Variants in UST observed in about 807,000 individuals in gnomAD.
UST encodes chondroitin sulfate 2-O-sulfotransferase.
In UST, 21 loss-of-function variants were observed where a neutral mutation model predicts 45.6. That is an observed-to-expected ratio of 0.46 (90% CI 0.33 to 0.66). The LOEUF (loss-of-function observed/expected upper bound fraction) is 0.66, where lower values mean the gene tolerates loss of function less well. UST is among the 30% of genes least tolerant of loss of function. The probability of loss-of-function intolerance (pLI) is 0.02; values close to 1 mark genes in which losing one functional copy is unlikely to be tolerated. For synonymous variants in UST, 215 were observed against 200.6 expected (o/e 1.07, Z -0.61); for missense variants, 463 against 512.4 (o/e 0.90, Z 0.93).
chr6:148,870,390 A>G (rs1423434741), intron 1 of UST, among the ~76,000 whole-genome samples: 1 of 152,178 alleles, frequency 6.6e-6, no homozygotes, highest in Non-Finnish European at 1.5e-5. Context: ...ATGTGCCCCA[A>G]TCCCTTTGGC....
intron 1 of UST, among the ~76,000 whole-genome samples, chr6:148,859,145 T>A (rs1778259199): frequency 6.6e-6 from 1 of 152,172 alleles, no homozygotes; most frequent in Admixed American, 6.6e-5. Flanking sequence ...TTTCTCCACA[T>A]CCTCTTCAGC....
chr6:148,756,002 C>T (rs1438975758), intron 1 of UST, among the ~76,000 whole-genome samples: 3 of 127,828 alleles, frequency 2.3e-5, no homozygotes, highest in Non-Finnish European at 4.9e-5. Flanking sequence ...GCTATCCCTC[C>T]CCCCTCCCCC....
intron 5 of UST, among the ~76,000 whole-genome samples, chr6:149,014,377 A>T (rs1485989527): frequency 2.6e-5 from 4 of 152,240 alleles, no homozygotes; most frequent in Non-Finnish European, 5.9e-5. Flanking sequence ...TGTTGGGAGC[A>T]GATCTAGCCT....
intron 1 of UST, among the ~76,000 whole-genome samples, chr6:148,809,074 G>A (rs984452967): frequency 2.6e-5 from 4 of 152,210 alleles, no homozygotes; most frequent in Admixed American, 6.5e-5. Flanking sequence ...CCTTGTACTC[G>A]AGCGAGGCCT....
rs1213290187 is a variant in UST at position 148,748,537 on chromosome 6, G to A, written c.247+860G>A. Among the ~76,000 whole-genome samples, 1 of 151,956 alleles carries A rather than the reference G, an allele frequency of 6.6e-6. No homozygotes were observed. Among genetic ancestry groups the A allele is most frequent in the East Asian group, 1.9e-4 (1 of 5,180 alleles). On this transcript the variant is annotated intron_variant, in intron 1 of 7. Transcript: ENST00000367463. The surrounding 1 kb of genome is among the most constrained non-coding windows in gnomAD (Gnocchi z 5.3). ...GGGAAAGAGCCGCTCCAGCGAGAAG[G>A]CGTGACCCCGCAGCTCCCTCGTCTC...
At chr6:148,785,665 A>G (rs1776721594) in intron 1 of UST, among the ~76,000 whole-genome samples, 1 of 152,240 alleles carries the variant, frequency 6.6e-6, no homozygotes, top group Non-Finnish European at 1.5e-5. Context: ...TATTCTTAAC[A>G]TCAAAGCTTA....
chr6:148,988,669 G>A (rs9498188), intron 5 of UST, among the ~76,000 whole-genome samples: 7,270 of 151,678 alleles, frequency 0.048, 569 homozygotes, highest in African/African-American at 0.17. Flanking sequence ...TTGGCAGGAA[G>A]GCAGATGAGG....
intron 5 of UST, among the ~76,000 whole-genome samples, chr6:148,967,259 C>T (rs569507046): frequency 1.4e-4 from 21 of 151,948 alleles, no homozygotes; most frequent in African/African-American, 4.8e-4. Context: ...GTCATCAGAT[C>T]GATCCTTGGC....
intron 5 of UST, among the ~76,000 whole-genome samples, chr6:149,006,880 A>G (rs746605618): frequency 1.1e-4 from 16 of 152,164 alleles, no homozygotes; most frequent in Non-Finnish European, 1.9e-4. Context: ...CCCACTTTCC[A>G]TAACCACAGA....
chr6:148,828,269 C>T (rs978429897), intron 1 of UST, among the ~76,000 whole-genome samples: 3 of 139,666 alleles, frequency 2.1e-5, no homozygotes, highest in Admixed American at 7.1e-5. Context: ...TTACAAAGAA[C>T]ACTATAATTG....
intron 7 of UST, among the ~76,000 whole-genome samples, chr6:149,031,443 T>A (rs190857682): frequency 2.8e-4 from 43 of 152,362 alleles, no homozygotes; most frequent in Admixed American, 2.5e-3. Context: ...GCTTGTTTAA[T>A]TTACTTTATG....
At chr6:148,754,380 A>G (rs909430918) in intron 1 of UST, among the ~76,000 whole-genome samples, 2 of 152,008 alleles carry the variant, frequency 1.3e-5, no homozygotes, top group African/African-American at 2.4e-5. Context: ...TTTAGTGGTG[A>G]TTTGTGAGAT....
chr6:148,766,372 C>T (rs541575564), intron 1 of UST, among the ~76,000 whole-genome samples: 1 of 152,064 alleles, frequency 6.6e-6, no homozygotes, highest in African/African-American at 2.4e-5. Context: ...ACCCACTCAC[C>T]CACTTGCTCT....
chr6:148,873,466 A>C (rs1390922250), intron 1 of UST, among the ~76,000 whole-genome samples: 45 of 152,080 alleles, frequency 3.0e-4, no homozygotes, highest in Admixed American at 2.9e-3. Context: ...TGAAGTACAC[A>C]TCTAGCTGGG....
chr6:148,801,649 T>C (rs1377723728), intron 1 of UST, among the ~76,000 whole-genome samples: 1 of 152,120 alleles, frequency 6.6e-6, no homozygotes, highest in Admixed American at 6.5e-5. Flanking sequence ...TCTTTGGCCA[T>C]CAACTTCCAA....
At chr6:149,027,446 T>G (rs1400786321) in intron 7 of UST, among the ~76,000 whole-genome samples, 1 of 152,214 alleles carries the variant, frequency 6.6e-6, no homozygotes, top group Non-Finnish European at 1.5e-5. Context: ...GTCTTTAAGA[T>G]CTTATTATTC....
intron 1 of UST, among the ~76,000 whole-genome samples, chr6:148,884,500 G>A (rs1778877935): frequency 6.6e-6 from 1 of 152,212 alleles, no homozygotes; most frequent in African/African-American, 2.4e-5. Context: ...TTTTCTGGAA[G>A]AGGATAGAGC....
intron 1 of UST, among the ~76,000 whole-genome samples, chr6:148,869,816 C>T (rs1778514511): frequency 6.6e-6 from 1 of 152,174 alleles, no homozygotes; most frequent in Admixed American, 6.5e-5. Context: ...AGTCATTTCT[C>T]TGTCAAACAT....
At chr6:148,826,872 T>C (rs1388098532) in intron 1 of UST, among the ~76,000 whole-genome samples, 1 of 152,164 alleles carries the variant, frequency 6.6e-6, no homozygotes, top group Non-Finnish European at 1.5e-5. Flanking sequence ...GTGCCTCTCA[T>C]GTTGCATCTT....
Sources: gnomAD v4.1 joint callset for allele counts (sites outside exome capture counted in the v4.1 genomes callset) on GRCh38, gnomAD v4.1.1 for gene constraint, Gnocchi (gnomAD v3.1) non-coding constraint, MANE v1.5 for transcripts, NCBI Gene and HGNC (gene_info 2026-07-23, HGNC 2026-07-21) for gene names.